GRIK2: variants seen among roughly 807,000 people sequenced by gnomAD.
GRIK2 encodes the protein glutamate ionotropic receptor kainate type subunit 2.
GRIK2 carries 32 observed loss-of-function variants against 100.3 expected under a neutral mutation model. That is an observed-to-expected ratio of 0.32 (90% confidence interval 0.24 to 0.43). GRIK2 has a LOEUF of 0.43. Ranked by LOEUF, GRIK2 falls within the 20% of genes least tolerant of loss-of-function variation. GRIK2 has a pLI of 1.00. For synonymous variants in GRIK2, 417 were observed against 389.4 expected (o/e 1.07, Z -0.83); for missense variants, 843 against 1,114.9 (o/e 0.76, Z 3.47).
intron 7 of GRIK2, among the ~76,000 whole-genome samples, chr6:101,735,689 G>A (rs989857467): frequency 6.6e-6 from 1 of 152,092 alleles, no homozygotes; most frequent in Non-Finnish European, 1.5e-5. Context: ...TATAACACAT[G>A]GGAATTATGA....
At chr6:101,451,505 T>G (rs1379609480) in intron 2 of GRIK2, among the ~76,000 whole-genome samples, 2 of 151,706 alleles carry the variant, frequency 1.3e-5, no homozygotes, top group Non-Finnish European at 3.0e-5. Context: ...GTGGAATTTA[T>G]TTTGAGATAT....
intron 7 of GRIK2, among the ~76,000 whole-genome samples, chr6:101,785,108 T>G (rs754699006): frequency 3.9e-5 from 6 of 152,186 alleles, no homozygotes; most frequent in Non-Finnish European, 7.3e-5. Context: ...TTTAGAGAAA[T>G]GTCTGTTCAC....
At chr6:101,887,118 G>A (rs112701438) in intron 11 of GRIK2, among the ~76,000 whole-genome samples, 5 of 151,836 alleles carry the variant, frequency 3.3e-5, no homozygotes, top group Admixed American at 6.6e-5. Flanking sequence ...GTGAGCCAGC[G>A]TGCCTGGCCT....
chr6:102,068,308 G>A, intron 16 of GRIK2, 39 bp from the exon 17 acceptor site: 1 of 1,430,674 alleles, frequency 7.0e-7, no homozygotes, highest in Non-Finnish European at 9.8e-7. Context: ...TACAGTTTAT[G>A]TATCTTGTAA....
At chr6:101,894,477 G>T (rs80121849) in intron 12 of GRIK2, among the ~76,000 whole-genome samples, 1 of 151,752 alleles carries the variant, frequency 6.6e-6, no homozygotes, top group Non-Finnish European at 1.5e-5. Flanking sequence ...AAATTCTAAT[G>T]GTAGCTCTTT....
intron 7 of GRIK2, among the ~76,000 whole-genome samples, chr6:101,753,371 A>T (rs1776923896): frequency 6.6e-6 from 1 of 152,136 alleles, no homozygotes; most frequent in Non-Finnish European, 1.5e-5. Context: ...GAATATAATA[A>T]GATTTCCTAA....
chr6:101,763,263 G>A (rs1583100614), intron 7 of GRIK2, among the ~76,000 whole-genome samples: 2 of 152,262 alleles, frequency 1.3e-5, no homozygotes, highest in Middle Eastern at 3.4e-3. Flanking sequence ...ACAACTGAGT[G>A]ATTTCCTGGG....
chr6:102,051,052 C>A (rs954369506), intron 15 of GRIK2, among the ~76,000 whole-genome samples: 16 of 152,020 alleles, frequency 1.1e-4, no homozygotes, highest in African/African-American at 3.9e-4. Flanking sequence ...GACAATAACT[C>A]TATTGTTGAG....
chr6:101,870,757 T>G (rs1785361396), intron 11 of GRIK2, among the ~76,000 whole-genome samples: 1 of 151,606 alleles, frequency 6.6e-6, no homozygotes, highest in Middle Eastern at 3.2e-3. Flanking sequence ...ATTAACAGAG[T>G]TTTGAAGTAG....
intron 7 of GRIK2, among the ~76,000 whole-genome samples, chr6:101,782,466 T>C (rs1014737556): frequency 6.6e-6 from 1 of 152,208 alleles, no homozygotes; most frequent in African/African-American, 2.4e-5. Flanking sequence ...GATCTTACTT[T>C]CTGCGCCTCA....
chr6:101,955,576 T>TCTCTCTC (rs1791867450), intron 14 of GRIK2, among the ~76,000 whole-genome samples: 1 of 116,288 alleles, frequency 8.6e-6, no homozygotes, highest in Non-Finnish European at 1.7e-5. Context: ...GAGCAAGGCC[T>TCTCTCTC]TCTCTCTCTC....
intron 11 of GRIK2, among the ~76,000 whole-genome samples, chr6:101,874,012 G>A (rs1351249665): frequency 2.6e-5 from 4 of 152,090 alleles, no homozygotes; most frequent in African/African-American, 7.2e-5. Context: ...TGTCAGATGA[G>A]TAGATTGCAA....
chr6:101,768,472 T>C (rs1171866602), intron 7 of GRIK2, among the ~76,000 whole-genome samples: 1 of 152,194 alleles, frequency 6.6e-6, no homozygotes, highest in African/African-American at 2.4e-5. Flanking sequence ...GAGCAAATTA[T>C]GGTTTCTCTC....
At chr6:101,506,417 G>A (rs1322688129) in intron 2 of GRIK2, among the ~76,000 whole-genome samples, 2 of 152,144 alleles carry the variant, frequency 1.3e-5, no homozygotes, top group East Asian at 3.9e-4. Context: ...CCTAAATGGT[G>A]CCAAACATAT....
At chr6:101,800,882 G>C (rs1291343891) in intron 8 of GRIK2, among the ~76,000 whole-genome samples, 1 of 151,992 alleles carries the variant, frequency 6.6e-6, no homozygotes, top group African/African-American at 2.4e-5. Context: ...AGAAGCAGTT[G>C]TATGACATTC....
chr6:101,714,027 T>C (rs144058046), intron 7 of GRIK2, among the ~76,000 whole-genome samples: 1 of 151,856 alleles, frequency 6.6e-6, no homozygotes, highest in African/African-American at 2.4e-5. Context: ...ATGCTTTCTT[T>C]TTAGTAAAAT....
At chr6:101,413,724 C>T (rs1182188038) in intron 2 of GRIK2, among the ~76,000 whole-genome samples, 2 of 151,920 alleles carry the variant, frequency 1.3e-5, no homozygotes, top group Admixed American at 6.6e-5. Context: ...TCTTAGTAAC[C>T]TTAAAGAAAT....
rs535806906 is a variant in GRIK2, at chr6:101,729,142, T to C, written c.951+42789T>C. 3.3e-5 allele frequency among the ~76,000 whole-genome samples: 5 copies of C among 152,194 alleles called. No homozygotes were observed. The East Asian group carries it at 9.7e-4, about 29-fold the overall frequency. ...TTCTGGCAGCTAGAGTAGAGTTGGC[T>C]TGCTTTCCTTGGATTGCAGATGTCT... is the stretch of plus-strand genomic sequence containing the variant. On this transcript the variant is annotated intron_variant, in intron 7 of 16. Transcript: ENST00000369134.
At chr6:101,795,285 T>C (rs2128410992) in intron 7 of GRIK2, among the ~76,000 whole-genome samples, 1 of 152,270 alleles carries the variant, frequency 6.6e-6, no homozygotes, top group Admixed American at 6.5e-5. Context: ...AGTAGCATAG[T>C]CCTCATATGA....
Sources: gnomAD v4.1 joint callset for allele counts (sites outside exome capture counted in the v4.1 genomes callset) on GRCh38, gnomAD v4.1.1 for gene constraint, MANE v1.5 for transcripts, NCBI Gene and HGNC (gene_info 2026-07-23, HGNC 2026-07-21) for gene names.